The following TM6SF1 variants were observed in gnomAD, a reference collection of about 807,000 sequenced individuals.
TM6SF1 encodes transmembrane 6 superfamily member 1.
A neutral mutation model predicts 47.1 loss-of-function variants in TM6SF1; 43 were observed. The ratio of observed to expected loss-of-function variants is 0.91; its 90% CI spans 0.72 to 1.18. The LOEUF is 1.18. TM6SF1 is among the 50% of genes most tolerant of loss of function. The pLI is 0.00. For synonymous variants in TM6SF1, 177 were observed against 166.3 expected, an observed-to-expected ratio of 1.06 and a Z score of -0.49; for missense variants, 390 against 449.0, an observed-to-expected ratio of 0.87 and a Z score of 1.19.
intron 9 of TM6SF1, chr15:83,136,055 G>A (rs772747007): frequency 4.5e-5 from 7 of 154,154 alleles, no homozygotes; most frequent in Non-Finnish European, 8.6e-5. Flanking sequence ...AAAACTCTGC[G>A]CTTTCTTCAT....
chr15:83,124,647 T>C (rs780629712), intron 6 of TM6SF1, 25 bp from the exon 7 acceptor site: 1 of 1,592,354 alleles, frequency 6.3e-7, no homozygotes, highest in Non-Finnish European at 8.6e-7. Flanking sequence ...TTGGGCCTGC[T>C]CTTTAGGTAC....
intron 9 of TM6SF1, chr15:83,132,176 C>T (rs1216400315): frequency 6.6e-6 from 1 of 152,218 alleles, no homozygotes; most frequent in Admixed American, 6.5e-5. Flanking sequence ...GGGCTTAAAA[C>T]AGTGTCTGGC....
chr15:83,119,753 T>G (rs1032023282), intron 4 of TM6SF1, 72 bp downstream of exon 4: 197 of 1,601,024 alleles, frequency 1.2e-4, no homozygotes, highest in Non-Finnish European at 1.7e-4. Context: ...GGAAACGTTA[T>G]GCATAGAGGC....
chr15:83,135,604 C>T (rs904872577), intron 9 of TM6SF1: 2 of 152,108 alleles, frequency 1.3e-5, no homozygotes, highest in Non-Finnish European at 2.9e-5. Flanking sequence ...GTCTGTTTTA[C>T]CCTTTCCAAT....
chr15:83,136,720 A>C lies in TM6SF1; in HGVS notation c.*48A>C, dbSNP rs754705327. 2.0e-6 allele frequency: 3 copies of C among 1,478,006 alleles called. No individual in the cohort carries two copies. In the Admixed American group the frequency reaches 6.1e-5, roughly 30 times the overall value. 91.6% of individuals were successfully genotyped at this position (1,478,006 alleles called of 1,614,324 possible). On this transcript the variant is annotated 3_prime_UTR_variant, in exon 10 of 10. Coordinates refer to ENST00000322019, the MANE Select transcript of TM6SF1 (RefSeq NM_023003.5). ...TTTCTAAATTACTAACTTTTGTTAT[A>C]CTGGTACTGATATTTTGTCCCATTT...
chr15:83,133,716 G>A (rs1024959928), intron 9 of TM6SF1: 12 of 152,258 alleles, frequency 7.9e-5, no homozygotes, highest in Admixed American at 7.9e-4. Flanking sequence ...CCTGCCATGA[G>A]AGGCCTTGTG....
Position 83,107,694 on chromosome 15 carries a change from C to G in TM6SF1, c.14C>G (p.Ala5Gly), listed in dbSNP as rs751030959. Residue 5 changes from alanine to glycine, a missense_variant, in exon 1 of 10, where the codon GCG becomes GGG. Transcript: ENST00000322019. This position sits in a 1 kb window ranked among gnomAD's most constrained non-coding sequence, Gnocchi z 5.6. Reference sequence around the variant, plus strand: ...GCGGCGGCTGCGATGAGTGCCTCTGCGGCCACCGGGGTCTTCGTGCTGTCC... The same window carrying G: ...GCGGCGGCTGCGATGAGTGCCTCTGGGGCCACCGGGGTCTTCGTGCTGTCC... MSAS[A>G]ATGVFVLSLS... 3.2e-6 allele frequency: 5 copies of G among 1,559,466 alleles called. No homozygotes were observed. In the African/African-American group the frequency reaches 5.7e-5, roughly 18 times the overall value.
At chr15:83,123,821 A>G (rs1310930870) in intron 6 of TM6SF1, among the ~76,000 whole-genome samples, 1 of 152,256 alleles carries the variant, frequency 6.6e-6, no homozygotes, top group Non-Finnish European at 1.5e-5. Context: ...TGAGGCATGC[A>G]GAATTACTTA....
At position 83,136,827 on chromosome 15, in the gene TM6SF1, A is replaced by G; in HGVS notation, c.*155A>G. 1 of 511,554 alleles carries G rather than the reference A, an allele frequency of 2.0e-6. No homozygotes were observed. 31.7% of individuals were successfully genotyped at this position (511,554 alleles called of 1,614,324 possible). On this transcript the variant is annotated 3_prime_UTR_variant, in exon 10 of 10. Transcript: ENST00000322019. ...ATGTGTGAGCTATATGGTATTGTGT[A>G]AATTTTTTTTGAAGGAAAATGGAAA...
At chr15:83,115,981 A>G (rs924869646) in intron 3 of TM6SF1, 39 bp downstream of exon 3, 2 of 1,467,278 alleles carry the variant, frequency 1.4e-6, no homozygotes, top group Non-Finnish European at 1.9e-6. Flanking sequence ...TTCAACCAAA[A>G]GGCCACAACC....
chr15:83,117,076 G>A (rs1239396959), intron 3 of TM6SF1, among the ~76,000 whole-genome samples: 2 of 152,198 alleles, frequency 1.3e-5, no homozygotes, highest in Non-Finnish European at 2.9e-5. Context: ...AATTAAGTCT[G>A]GGTGCAGTCG....
At position 83,136,750 on chromosome 15, in the gene TM6SF1, C is replaced by T. The variant is rs1440411785; in HGVS notation, c.*78C>T. On this transcript the variant is annotated 3_prime_UTR_variant, in exon 10 of 10. Transcript: ENST00000322019. ...TACTGATATTTTGTCCCATTTCACT[C>T]TCTTCTCATACGTGAGTACTTAAGA... is the stretch of plus-strand genomic sequence containing the variant. 4 of 1,233,324 alleles carry T rather than the reference C, an allele frequency of 3.2e-6. No homozygotes were observed. The highest frequency in any genetic ancestry group is 4.6e-6 in the Non-Finnish European group (4 of 875,384). The allele number at this position is 1,233,324 out of a possible 1,614,324, so 76.4% of individuals were successfully genotyped here.
At chr15:83,112,107 T>A (rs1284380955) in intron 1 of TM6SF1, among the ~76,000 whole-genome samples, 3 of 152,080 alleles carry the variant, frequency 2.0e-5, no homozygotes, top group African/African-American at 7.2e-5. Context: ...TTGGTGCCAC[T>A]CCCTTTCCTG....
At chr15:83,123,481 A>G (rs2035457307) in intron 6 of TM6SF1, among the ~76,000 whole-genome samples, 2 of 152,320 alleles carry the variant, frequency 1.3e-5, no homozygotes, top group Middle Eastern at 6.8e-3. Flanking sequence ...TTACTTTTCT[A>G]GGTATTAGAT....
rs768935252 is a variant in TM6SF1, at chr15:83,135,748, T to G, written c.922-733T>G. 3.9e-5 allele frequency: 6 copies of G among 152,234 alleles called. 1 individual carries two copies. Among genetic ancestry groups the G allele is most frequent in the African/African-American group, 7.2e-5 (3 of 41,468 alleles). The allele number at this position is 152,234 out of a possible 1,614,324, so 9.4% of individuals were successfully genotyped here. On this transcript the variant is annotated intron_variant, in intron 9 of 9. Transcript: ENST00000322019. ...GCGGATAATGCTGACATGTCGTACT[T>G]CTAAATAAATTATAATTTGATTTAA... is the stretch of plus-strand genomic sequence containing the variant.
At chr15:83,108,897 G>C (rs1212260231) in intron 1 of TM6SF1, among the ~76,000 whole-genome samples, 1 of 152,180 alleles carries the variant, frequency 6.6e-6, no homozygotes, top group Non-Finnish European at 1.5e-5. Context: ...CCAGTCTCTG[G>C]AGGCATCCCC....
Position 83,127,457 on chromosome 15 carries a change from C to T in TM6SF1, c.901C>T (p.His301Tyr). ...CSWMPDITLI[H>Y]AGGLAQAQFS... ...CTGGATGCCTGACATCACATTGATACATGCTGGAGGTCTGGCTCAGGTACT... is the reference window on the plus strand; with the variant it reads ...CTGGATGCCTGACATCACATTGATATATGCTGGAGGTCTGGCTCAGGTACT... The change falls in exon 9 of 10, where the codon CAT becomes TAT. Residue 301 changes from histidine to tyrosine, a missense_variant. Coordinates refer to ENST00000322019, the MANE Select transcript of TM6SF1 (RefSeq NM_023003.5). The T allele has an allele frequency of 6.2e-7, 1 of 1,613,788 alleles. No homozygotes were observed. The highest frequency in any genetic ancestry group is 8.5e-7 in the Non-Finnish European group (1 of 1,179,850).
rs185309030 is a variant in TM6SF1 at position 83,135,343 on chromosome 15, T to C, written c.922-1138T>C. Reference sequence around the variant, plus strand: ...TATGGAAGAAATGTAAAATAACTTATATGTATTTAAAGCAAATTATCTAGT... The same window carrying C: ...TATGGAAGAAATGTAAAATAACTTACATGTATTTAAAGCAAATTATCTAGT... On this transcript the variant is annotated intron_variant, in intron 9 of 9. Coordinates refer to ENST00000322019, the MANE Select transcript of TM6SF1 (RefSeq NM_023003.5). 266 of 152,368 alleles carry C rather than the reference T, an allele frequency of 1.7e-3. 1 individual carries two copies. The highest frequency in any genetic ancestry group is 6.1e-3 in the African/African-American group (253 of 41,594). The allele number at this position is 152,368 out of a possible 1,614,324, so 9.4% of individuals were successfully genotyped here.
chr15:83,118,262 CACAT>C (rs1028281274), intron 3 of TM6SF1, among the ~76,000 whole-genome samples: 2 of 144,734 alleles, frequency 1.4e-5, no homozygotes, highest in East Asian at 2.0e-4. Flanking sequence ...CACACACACA[CACAT>C]ACAGAGAGAG....
Sources: allele counts gnomAD v4.1 joint callset (sites outside exome capture counted in the v4.1 genomes callset), GRCh38; gene constraint gnomAD v4.1.1; non-coding constraint Gnocchi (gnomAD v3.1); transcripts MANE v1.5; gene names NCBI Gene and HGNC (gene_info 2026-07-23, HGNC 2026-07-21).